CRYBG3: variants seen among roughly 807,000 people sequenced by gnomAD.
CRYBG3 encodes the protein crystallin beta-gamma domain containing 3.
CRYBG3 carries 127 observed loss-of-function variants against 244.2 expected under a neutral mutation model. That is an observed-to-expected ratio of 0.52 (90% CI 0.45 to 0.60). The LOEUF (loss-of-function observed/expected upper bound fraction) is 0.60. Among genes scored for constraint, CRYBG3 ranks in the 20% least tolerant of loss-of-function variants. The pLI is 0.00. For missense variants in CRYBG3, 3,325 were observed against 3,442.5 expected (o/e 0.97, Z 0.85); for synonymous variants, 1,132 against 1,195.8 (o/e 0.95, Z 1.10).
At position 97,864,266 on chromosome 3, in the gene CRYBG3, TTCCAGTGCAGGAAGA is replaced by T; in HGVS notation, c.270_284del (p.Val91_Pro95del). 1 of 1,530,752 alleles carries T rather than the reference TTCCAGTGCAGGAAGA, an allele frequency of 6.5e-7. No individual in the cohort carries two copies. The highest frequency in any genetic ancestry group is 1.4e-5 in the African/African-American group (1 of 72,692). The allele number at this position is 1,530,752 out of a possible 1,614,324, so 94.8% of individuals were successfully genotyped here. Reference sequence around the variant, plus strand: ...AACCATGCTGAGAAGCCAGTCACTCTTCCAGTGCAGGAAGATCCCAAAAAGGCATATGATCTTTCC... The same window carrying T: ...AACCATGCTGAGAAGCCAGTCACTCTTCCCAAAAAGGCATATGATCTTTCC... On this transcript the variant is annotated inframe_deletion, in exon 3 of 22. Coordinates refer to ENST00000389622, the MANE Select transcript of CRYBG3 (RefSeq NM_153605.4).
chr3:97,886,096 T>G (rs2039504150), intron 7 of CRYBG3, among the ~76,000 whole-genome samples: 1 of 152,186 alleles, frequency 6.6e-6, no homozygotes, highest in Non-Finnish European at 1.5e-5. Flanking sequence ...CACTAGGAAA[T>G]GGAGTCCTAC....
chr3:97,869,380 A>G (rs1190654764), intron 3 of CRYBG3, among the ~76,000 whole-genome samples: 1 of 152,174 alleles, frequency 6.6e-6, no homozygotes, highest in African/African-American at 2.4e-5. Flanking sequence ...GTTTGGTACA[A>G]AACATTTTTT....
At chr3:97,849,392 T>C (rs1275288439) in intron 2 of CRYBG3, among the ~76,000 whole-genome samples, 1 of 152,080 alleles carries the variant, frequency 6.6e-6, no homozygotes, top group East Asian at 1.9e-4. Context: ...AGGCATACCA[T>C]ATTCAACTTT....
chr3:97,864,920 C>T (rs1317982040), intron 3 of CRYBG3, among the ~76,000 whole-genome samples: 2 of 151,998 alleles, frequency 1.3e-5, no homozygotes, highest in East Asian at 1.9e-4. Context: ...TAGATTCTTC[C>T]TGTGTCAGGA....
At chr3:97,837,918 G>A (rs2038757107) in intron 1 of CRYBG3, among the ~76,000 whole-genome samples, 2 of 152,098 alleles carry the variant, frequency 1.3e-5, no homozygotes, top group South Asian at 4.1e-4. Context: ...GGCATAGGAG[G>A]AGGAGGTGCC....
rs1343168928 is a variant in CRYBG3 at position 97,872,961 on chromosome 3, C to T, written c.1767C>T (p.Ala589=). The T allele has an allele frequency of 5.2e-6, 8 of 1,534,030 alleles. No homozygotes were observed. Among genetic ancestry groups the T allele is most frequent in the African/African-American group, 1.4e-5 (1 of 72,850 alleles). The change falls in exon 4 of 22, where the codon GCC becomes GCT. Residue 589 remains alanine (A), a synonymous_variant. Transcript: ENST00000389622. ...TTAGAATGAATAAAAAAGACCTGGC[C>T]TCTTTAAATTACATCAGTGAATCAG... ...PHIRMNKKDL[A]SLNYISESAV... is the part of the protein sequence containing the mutation.
chr3:97,895,358 C>G (rs1484988033), intron 11 of CRYBG3, among the ~76,000 whole-genome samples: 1 of 152,136 alleles, frequency 6.6e-6, no homozygotes, highest in East Asian at 1.9e-4. Context: ...GTAGTGGGAC[C>G]AACATTTCCC....
chr3:97,855,701 C>T (rs963306026), intron 2 of CRYBG3, among the ~76,000 whole-genome samples: 4 of 151,988 alleles, frequency 2.6e-5, no homozygotes, highest in Non-Finnish European at 5.9e-5. Context: ...GCTGGGCGTC[C>T]GGGGAAGACA....
intron 2 of CRYBG3, among the ~76,000 whole-genome samples, chr3:97,863,563 G>A (rs1186353268): frequency 6.6e-6 from 1 of 152,054 alleles, no homozygotes; most frequent in Non-Finnish European, 1.5e-5. Context: ...GAAGTACCAT[G>A]TTACTGTCTT....
chr3:97,833,246 A>G lies in CRYBG3; in HGVS notation c.150-9949A>G, dbSNP rs376728815. On this transcript the variant is annotated intron_variant, in intron 1 of 21. Transcript: ENST00000389622. ...CCAAAGGATTATAAATCATTCTGCT[A>G]TAAAGACACATGCACACGTATGTTT... is the stretch of plus-strand genomic sequence containing the variant. Among the ~76,000 whole-genome samples, 4 of 152,334 alleles carry G rather than the reference A, an allele frequency of 2.6e-5. 1 individual carries two copies. The highest frequency in any genetic ancestry group is 3.4e-3 in the Middle Eastern group (1 of 294).
chr3:97,938,746 A>T (rs2040191052), intron 19 of CRYBG3, among the ~76,000 whole-genome samples: 1 of 152,022 alleles, frequency 6.6e-6, no homozygotes. Flanking sequence ...GAACAGTCTG[A>T]TATGGCTCTG....
chr3:97,900,307 C>T lies in CRYBG3; in HGVS notation c.7972-146C>T, dbSNP rs2039690980. The stretch of plus-strand genomic sequence containing the variant: ...AGGGTGCAGTGAGCTGAGACTGTGC[C>T]ACTGTACCCCAGCCTGGATAACAGA... On this transcript the variant is annotated intron_variant, in intron 14 of 21. Coordinates refer to ENST00000389622, the MANE Select transcript of CRYBG3 (RefSeq NM_153605.4). 5 of 571,776 alleles carry T rather than the reference C, an allele frequency of 8.7e-6. No homozygotes were observed. In the South Asian group the frequency reaches 1.1e-4, roughly 12 times the overall value. 35.4% of individuals were successfully genotyped at this position (571,776 alleles called of 1,614,324 possible).
intron 1 of CRYBG3, among the ~76,000 whole-genome samples, chr3:97,826,783 AG>A (rs2038583201): frequency 6.6e-6 from 1 of 152,254 alleles, no homozygotes; most frequent in South Asian, 2.1e-4. Flanking sequence ...ATGCCTTCAT[AG>A]AATTCACACA....
chr3:97,883,738 A>G (rs1454345131), intron 7 of CRYBG3, among the ~76,000 whole-genome samples: 11 of 152,188 alleles, frequency 7.2e-5, no homozygotes, highest in Admixed American at 7.2e-4. Flanking sequence ...TGAATGGAAG[A>G]GGCATGAGCC....
chr3:97,895,591 C>A (rs2039630609), intron 11 of CRYBG3, among the ~76,000 whole-genome samples: 1 of 152,158 alleles, frequency 6.6e-6, no homozygotes, highest in East Asian at 1.9e-4. Flanking sequence ...AAATGACTAT[C>A]TTTGGATCTC....
intron 19 of CRYBG3, among the ~76,000 whole-genome samples, chr3:97,937,497 CTTTA>C (rs1323153418): frequency 6.6e-6 from 1 of 152,062 alleles, no homozygotes; most frequent in Non-Finnish European, 1.5e-5. Context: ...TTCCCTCATT[CTTTA>C]TTTGACTAGT....
chr3:97,938,473 T>A (rs115683212), intron 19 of CRYBG3, among the ~76,000 whole-genome samples: 10 of 152,146 alleles, frequency 6.6e-5, no homozygotes, highest in African/African-American at 1.2e-4. Flanking sequence ...TACTTAAGTG[T>A]TAAATAAATG....
rs1180470104 is a variant in CRYBG3 at position 97,864,404 on chromosome 3, C to T, written c.404C>T (p.Ser135Leu). ...AACTTATTCAATATCTCGGGGAAAT[C>T]ATCTCTAGGTGAAGCTAAGCAGTCT... Reference protein sequence around the residue: ...LGNLFNISGKSSLGEAKQSSF... With the variant: ...LGNLFNISGKLSLGEAKQSSF... Residue 135 changes from serine to leucine, a missense_variant, in exon 3 of 22, where the codon TCA becomes TTA. Ser to Leu is a moderately radical substitution (Grantham distance 145). Around this residue, in one of 4 missense-constraint regions of CRYBG3, gnomAD observed 1,526 missense variants for 1,443.2 expected, o/e 1.06. Transcript: ENST00000389622. 24 of 1,535,824 alleles carry T rather than the reference C, an allele frequency of 1.6e-5. No individual in the cohort carries two copies. Among genetic ancestry groups the T allele is most frequent in the Non-Finnish European group, 2.1e-5 (24 of 1,146,766 alleles).
chr3:97,895,929 G>A, intron 11 of CRYBG3, 30 bp from the exon 12 acceptor site: 1 of 1,599,162 alleles, frequency 6.3e-7, no homozygotes, highest in South Asian at 1.1e-5. Flanking sequence ...TTTTATTAAT[G>A]GGTCATTTGG....
Sources: gnomAD v4.1 joint callset for allele counts (sites outside exome capture counted in the v4.1 genomes callset) on GRCh38, gnomAD v4.1.1 for gene constraint, gnomAD v4.1.1 regional missense constraint, MANE v1.5 for transcripts, NCBI Gene and HGNC (gene_info 2026-07-23, HGNC 2026-07-21) for gene names.